MGMT: variants seen among roughly 807,000 people sequenced by gnomAD.
The protein encoded by MGMT is O-6-methylguanine-DNA methyltransferase.
A neutral mutation model predicts 15.9 loss-of-function variants in MGMT; 14 were observed. The ratio of observed to expected loss-of-function variants is 0.88; its 90% confidence interval spans 0.58 to 1.37. The LOEUF (loss-of-function observed/expected upper bound fraction) is 1.37. Among genes scored for constraint, MGMT ranks in the 40% most tolerant of loss-of-function variants. The probability of loss-of-function intolerance (pLI) is 0.00; values close to 1 mark genes in which losing one functional copy is unlikely to be tolerated. For synonymous variants in MGMT, 130 were observed against 118.2 expected, an observed-to-expected ratio of 1.10 and a Z score of -0.65; for missense variants, 282 against 268.1, an observed-to-expected ratio of 1.05 and a Z score of -0.36.
chr10:129,507,001 C>G (rs544750775), intron 1 of MGMT, among the ~76,000 whole-genome samples: 2 of 152,318 alleles, frequency 1.3e-5, no homozygotes, highest in Admixed American at 1.3e-4. Context: ...ATGTGTCCAT[C>G]ACCAGGTTAC....
intron 2 of MGMT, among the ~76,000 whole-genome samples, chr10:129,538,513 G>A (rs940235259): frequency 2.0e-5 from 3 of 152,210 alleles, no homozygotes; most frequent in African/African-American, 7.2e-5. Flanking sequence ...TAGCCATTCT[G>A]GCTGGTATGA....
intron 2 of MGMT, among the ~76,000 whole-genome samples, chr10:129,666,187 A>G (rs1315084423): frequency 6.6e-6 from 1 of 152,216 alleles, no homozygotes; most frequent in Non-Finnish European, 1.5e-5. Context: ...ACTTTTCTGC[A>G]AGTTTAACGT....
rs957462218 is a variant in MGMT at position 129,532,852 on chromosome 10, G to A, written c.-12-3389G>A. ...CTTGAGAGAGGAGTGCGCAGCTAGT[G>A]TCTGACCAGCCCCCACATGGGGCAC... On this transcript the variant is annotated intron_variant, in intron 1 of 4. Transcript: ENST00000651593. This position sits in a 1 kb window ranked among gnomAD's most constrained non-coding sequence, Gnocchi z 5.3. Among the ~76,000 whole-genome samples, 12 of 152,334 alleles carry A rather than the reference G, an allele frequency of 7.9e-5. No individual in the cohort carries two copies. The highest frequency in any genetic ancestry group is 2.9e-4 in the African/African-American group (12 of 41,580).
intron 2 of MGMT, among the ~76,000 whole-genome samples, chr10:129,553,444 C>G (rs995160440): frequency 2.0e-5 from 3 of 152,130 alleles, no homozygotes; most frequent in Non-Finnish European, 4.4e-5. Context: ...CAGCACCTTG[C>G]GAGCAGTGGT....
intron 3 of MGMT, among the ~76,000 whole-genome samples, chr10:129,740,926 A>T (rs1278002967): frequency 2.0e-5 from 3 of 152,336 alleles, no homozygotes; most frequent in Admixed American, 2.0e-4. Context: ...CAAAATTTCC[A>T]GACCTACGTT....
At chr10:129,752,918 A>G (rs967918684) in intron 3 of MGMT, among the ~76,000 whole-genome samples, 3 of 152,158 alleles carry the variant, frequency 2.0e-5, no homozygotes, top group Non-Finnish European at 4.4e-5. Flanking sequence ...TGATGTTCCA[A>G]GCTTCTTTAG....
In MGMT at chr10:129,538,161, T is replaced by C. The variant is rs149275606; in HGVS notation, c.125+1784T>C. Among the ~76,000 whole-genome samples, 936 of 152,324 alleles carry C rather than the reference T, an allele frequency of 6.1e-3. 10 individuals are homozygous for C. The highest frequency in any genetic ancestry group is 0.022 in the African/African-American group (902 of 41,558). On this transcript the variant is annotated intron_variant, in intron 2 of 4. Transcript: ENST00000651593. ...CATTTTATCATTTTTAAAATTTAGG[T>C]AAAAATTACATAGAAGTCAGATTTC... is the stretch of plus-strand genomic sequence containing the variant.
At chr10:129,651,872 T>C (rs898645425) in intron 2 of MGMT, among the ~76,000 whole-genome samples, 3 of 152,234 alleles carry the variant, frequency 2.0e-5, no homozygotes, top group Admixed American at 6.5e-5. Context: ...TGAGCTGCAC[T>C]GATCCCAAAT....
rs1848993130 is a variant in MGMT at position 129,770,911 on chromosome 10, A to C, written c.*3914A>C. 6.6e-6 allele frequency among the ~76,000 whole-genome samples: 1 copy of C among 151,160 alleles called. No individual in the cohort carries two copies. The highest frequency in any genetic ancestry group is 1.5e-5 in the Non-Finnish European group (1 of 67,986). ...AAATTTTTGGCTTCCCTCAGACCTC[A>C]GACCGTGTGGGTTTTTTTTTCTTTC... On this transcript the variant is annotated 3_prime_UTR_variant, in exon 5 of 5. Coordinates refer to ENST00000651593, the MANE Select transcript of MGMT (RefSeq NM_002412.5).
intron 1 of MGMT, among the ~76,000 whole-genome samples, chr10:129,494,309 G>A (rs962932585): frequency 9.2e-5 from 14 of 152,108 alleles, no homozygotes; most frequent in African/African-American, 3.4e-4. Context: ...AGTGGGTGGG[G>A]TGTGTGCTGG....
chr10:129,760,014 A>G (rs746050323), intron 4 of MGMT, among the ~76,000 whole-genome samples: 20 of 151,706 alleles, frequency 1.3e-4, no homozygotes, highest in Non-Finnish European at 2.5e-4. Context: ...ATTTCACTAA[A>G]CTCCAGGCTC....
chr10:129,569,739 G>A (rs949518523), intron 2 of MGMT, among the ~76,000 whole-genome samples: 1 of 152,154 alleles, frequency 6.6e-6, no homozygotes, highest in Non-Finnish European at 1.5e-5. Context: ...GGAAGATTGA[G>A]CCCGGGGAGT....
At chr10:129,704,683 G>A (rs191311847) in intron 2 of MGMT, among the ~76,000 whole-genome samples, 4 of 151,888 alleles carry the variant, frequency 2.6e-5, no homozygotes, top group African/African-American at 4.8e-5. Context: ...CCTTAAAACC[G>A]TCAGGATTTG....
intron 4 of MGMT, among the ~76,000 whole-genome samples, chr10:129,760,867 G>A (rs1226151288): frequency 6.6e-6 from 1 of 152,092 alleles, no homozygotes; most frequent in Non-Finnish European, 1.5e-5. Flanking sequence ...TGGCTGGTGG[G>A]CGCAATTGAC....
chr10:129,640,471 G>A (rs1847315623), intron 2 of MGMT, among the ~76,000 whole-genome samples: 3 of 152,136 alleles, frequency 2.0e-5, no homozygotes, highest in Admixed American at 1.3e-4. Context: ...CATAATAATT[G>A]AATTTATAAT....
intron 2 of MGMT, among the ~76,000 whole-genome samples, chr10:129,660,546 G>T (rs1242953525): frequency 6.6e-6 from 1 of 152,160 alleles, no homozygotes; most frequent in East Asian, 1.9e-4. Flanking sequence ...GCTGGGAAGG[G>T]CAGCTTTTCT....
intron 2 of MGMT, among the ~76,000 whole-genome samples, chr10:129,553,717 A>G (rs982610593): frequency 6.6e-6 from 1 of 152,152 alleles, no homozygotes; most frequent in Non-Finnish European, 1.5e-5. Flanking sequence ...GAGTGGTAGA[A>G]ATACACAAAA....
In MGMT at chr10:129,767,300, A is replaced by G; in HGVS notation, c.*303A>G. 1 of 241,894 alleles carries G rather than the reference A, an allele frequency of 4.1e-6. No individual in the cohort carries two copies. Among genetic ancestry groups the G allele is most frequent in the Non-Finnish European group, 7.9e-6 (1 of 126,266 alleles). The allele number at this position is 241,894 out of a possible 1,614,324, so 15.0% of individuals were successfully genotyped here. On this transcript the variant is annotated 3_prime_UTR_variant, in exon 5 of 5. Coordinates refer to ENST00000651593, the MANE Select transcript of MGMT (RefSeq NM_002412.5). ...CAGGATGGGGCAGTCTGGCACCCTC[A>G]GGCCACAGACGGCTGCCATAGCCGC...
At chr10:129,652,736 C>T (rs1022318116) in intron 2 of MGMT, among the ~76,000 whole-genome samples, 4 of 152,158 alleles carry the variant, frequency 2.6e-5, no homozygotes, top group South Asian at 2.1e-4. Flanking sequence ...GATGGCCGGC[C>T]GGCCTGCCTG....
Sources: allele counts gnomAD v4.1 joint callset (sites outside exome capture counted in the v4.1 genomes callset), GRCh38; gene constraint gnomAD v4.1.1; non-coding constraint Gnocchi (gnomAD v3.1); transcripts MANE v1.5; gene names NCBI Gene and HGNC (gene_info 2026-07-23, HGNC 2026-07-21).